ZFPM2: variants seen among roughly 807,000 people sequenced by gnomAD.
ZFPM2 encodes the protein zinc finger protein, FOG family member 2, also known as zinc finger protein ZFPM2.
In ZFPM2, 20 loss-of-function variants were observed where a neutral mutation model predicts 98.6. The observed-to-expected ratio is 0.20, with a 90% CI of 0.14 to 0.29. The LOEUF is 0.29. Among genes scored for constraint, ZFPM2 ranks in the 10% least tolerant of loss-of-function variants. The probability of loss-of-function intolerance (pLI) is 1.00; values close to 1 mark genes in which losing one functional copy is unlikely to be tolerated. For synonymous variants in ZFPM2, 518 were observed against 502.7 expected (o/e 1.03, Z -0.41); for missense variants, 1,310 against 1,388.6 (o/e 0.94, Z 0.90).
intron 3 of ZFPM2, among the ~76,000 whole-genome samples, chr8:105,533,562 CT>C: frequency 6.6e-6 from 1 of 152,166 alleles, no homozygotes. Flanking sequence ...CCCAGTTTGT[CT>C]TATAAGATTA....
chr8:105,378,285 G>GAAA (rs948928165), intron 1 of ZFPM2, among the ~76,000 whole-genome samples: 4 of 152,120 alleles, frequency 2.6e-5, no homozygotes, highest in African/African-American at 9.7e-5. Flanking sequence ...GAACACAGTA[G>GAAA]ATATCCCTCA....
chr8:105,780,923 A>G (rs937749900), intron 5 of ZFPM2, among the ~76,000 whole-genome samples: 4 of 152,356 alleles, frequency 2.6e-5, no homozygotes, highest in African/African-American at 9.6e-5. Flanking sequence ...TCTGAGTTTC[A>G]AAATGGACGT....
chr8:105,734,082 CAT>C (rs1812013344), intron 5 of ZFPM2, among the ~76,000 whole-genome samples: 1 of 151,930 alleles, frequency 6.6e-6, no homozygotes, highest in Non-Finnish European at 1.5e-5. Context: ...TCCTTTCTCT[CAT>C]ATATCCTCTT....
At chr8:105,670,857 T>C (rs999703617) in intron 5 of ZFPM2, among the ~76,000 whole-genome samples, 12 of 152,204 alleles carry the variant, frequency 7.9e-5, no homozygotes, top group Non-Finnish European at 1.2e-4. Context: ...ATTGTATTTA[T>C]TACAGAATTT....
intron 2 of ZFPM2, among the ~76,000 whole-genome samples, chr8:105,440,517 G>A (rs1193756785): frequency 6.6e-6 from 1 of 152,152 alleles, no homozygotes; most frequent in Non-Finnish European, 1.5e-5. Context: ...GAGTCCATCA[G>A]GAAACTGATG....
At chr8:105,460,655 T>C (rs914545241) in intron 3 of ZFPM2, among the ~76,000 whole-genome samples, 3 of 152,124 alleles carry the variant, frequency 2.0e-5, no homozygotes, top group Non-Finnish European at 4.4e-5. Flanking sequence ...TAAGTATTTG[T>C]GTTCAGTATG....
intron 5 of ZFPM2, among the ~76,000 whole-genome samples, chr8:105,636,666 A>T (rs117909307): frequency 6.6e-6 from 1 of 152,186 alleles, no homozygotes; most frequent in Non-Finnish European, 1.5e-5. Flanking sequence ...CAAGAAAAGC[A>T]CTAAGTAAAT....
At chr8:105,434,366 ATT>A (rs1812080487) in intron 2 of ZFPM2, among the ~76,000 whole-genome samples, 1 of 152,206 alleles carries the variant, frequency 6.6e-6, no homozygotes, top group Admixed American at 6.5e-5. Context: ...TTGTGAGGCT[ATT>A]AAGCAAAGCA....
chr8:105,513,652 C>T (rs952332685), intron 3 of ZFPM2, among the ~76,000 whole-genome samples: 2 of 152,158 alleles, frequency 1.3e-5, no homozygotes, highest in African/African-American at 4.8e-5. Context: ...TTGCATTTTT[C>T]TTTGTGCCTG....
intron 5 of ZFPM2, among the ~76,000 whole-genome samples, chr8:105,667,957 C>T (rs145253572): frequency 1.6e-4 from 25 of 152,280 alleles, no homozygotes; most frequent in African/African-American, 5.8e-4. Context: ...CAAAGCTCTT[C>T]GGTAGACTTA....
chr8:105,322,412 A>G (rs1812043729), intron 1 of ZFPM2, among the ~76,000 whole-genome samples: 1 of 148,592 alleles, frequency 6.7e-6, no homozygotes, highest in Non-Finnish European at 1.5e-5. Context: ...AGTCACACTG[A>G]AGTGTATTGG....
At chr8:105,501,781 A>G (rs1476746749) in intron 3 of ZFPM2, among the ~76,000 whole-genome samples, 1 of 152,108 alleles carries the variant, frequency 6.6e-6, no homozygotes. Context: ...CACCATGCCC[A>G]TCTTCTTTTC....
chr8:105,515,762 C>T (rs1239553554), intron 3 of ZFPM2, among the ~76,000 whole-genome samples: 1 of 152,076 alleles, frequency 6.6e-6, no homozygotes, highest in Non-Finnish European at 1.5e-5. Context: ...TAGTTGCTCT[C>T]ATGGACTCCG....
At chr8:105,486,096 T>A (rs1256975796) in intron 3 of ZFPM2, among the ~76,000 whole-genome samples, 3 of 152,038 alleles carry the variant, frequency 2.0e-5, no homozygotes, top group African/African-American at 7.2e-5. Context: ...ATCTTTCTGG[T>A]TGTCATTATT....
intron 3 of ZFPM2, among the ~76,000 whole-genome samples, chr8:105,484,376 A>G (rs1473569200): frequency 6.6e-6 from 1 of 151,938 alleles, no homozygotes; most frequent in East Asian, 1.9e-4. Context: ...TGAGGTTTTA[A>G]TTTAAATATA....
intron 3 of ZFPM2, among the ~76,000 whole-genome samples, chr8:105,502,770 G>A (rs1167208679): frequency 2.1e-4 from 32 of 152,136 alleles, no homozygotes; most frequent in Admixed American, 2.1e-3. Context: ...CTCTCCACAT[G>A]ACATTCTCAT....
intron 1 of ZFPM2, among the ~76,000 whole-genome samples, chr8:105,408,489 C>A (rs1269967433): frequency 6.6e-6 from 1 of 151,754 alleles, no homozygotes; most frequent in Non-Finnish European, 1.5e-5. Flanking sequence ...GCTCACATGG[C>A]CCCCTTCGTC....
chr8:105,443,341 T>C (rs1239738892), intron 2 of ZFPM2, among the ~76,000 whole-genome samples: 2 of 120,242 alleles, frequency 1.7e-5, no homozygotes, highest in Non-Finnish European at 3.3e-5. Context: ...AAAAAAAAAC[T>C]TGGCATTATT....
At chr8:105,489,466 A>ATATAT (rs1554610604) in intron 3 of ZFPM2, among the ~76,000 whole-genome samples, 37 of 119,778 alleles carry the variant, frequency 3.1e-4, no homozygotes, top group African/African-American at 1.2e-3. Context: ...ATATATATAT[A>ATATAT]TTTTTTTTTT....
Sources: allele counts gnomAD v4.1 joint callset (sites outside exome capture counted in the v4.1 genomes callset), GRCh38; gene constraint gnomAD v4.1.1; transcripts MANE v1.5; gene names NCBI Gene and HGNC (gene_info 2026-07-23, HGNC 2026-07-21).